Variants in PHLPP1 observed in about 807,000 individuals in gnomAD.
PHLPP1 encodes the protein PH domain leucine-rich repeat-containing protein phosphatase 1.
PHLPP1 carries 42 observed loss-of-function variants against 117.2 expected under a neutral mutation model. The observed-to-expected ratio is 0.36, with a 90% confidence interval of 0.28 to 0.46. PHLPP1 has a LOEUF of 0.46. Among genes scored for constraint, PHLPP1 ranks in the 20% least tolerant of loss-of-function variants. The probability of loss-of-function intolerance (pLI) is 1.00; values close to 1 mark genes in which losing one functional copy is unlikely to be tolerated. For missense variants in PHLPP1, 2,084 were observed against 2,241.9 expected (o/e 0.93, Z 1.42); for synonymous variants, 1,042 against 970.7 (o/e 1.07, Z -1.37).
chr18:62,735,171 A>G (rs1309110454), intron 1 of PHLPP1, among the ~76,000 whole-genome samples: 3 of 151,412 alleles, frequency 2.0e-5, no homozygotes, highest in Non-Finnish European at 4.4e-5. Context: ...CAGCCTCCCT[A>G]GTGGCTGGGA....
At chr18:62,975,678 C>G in intron 16 of PHLPP1, 53 bp downstream of exon 16, 5 of 1,163,470 alleles carry the variant, frequency 4.3e-6, no homozygotes, top group South Asian at 2.6e-5. Flanking sequence ...GAGAGGAGAC[C>G]AGGTCATAGC....
chr18:62,744,938 G>C (rs1415856630), intron 1 of PHLPP1, among the ~76,000 whole-genome samples: 1 of 152,150 alleles, frequency 6.6e-6, no homozygotes, highest in Non-Finnish European at 1.5e-5. Context: ...TTTGGAGTTT[G>C]AATTCCTCCA....
intron 8 of PHLPP1, 28 bp downstream of exon 8, chr18:62,905,312 A>G (rs1427597374): frequency 1.6e-6 from 2 of 1,218,198 alleles, no homozygotes; most frequent in Non-Finnish European, 2.2e-6. Flanking sequence ...AGAGCCCTCT[A>G]GAGTCTACTA....
intron 12 of PHLPP1, among the ~76,000 whole-genome samples, chr18:62,950,913 T>G (rs913792643): frequency 4.6e-5 from 7 of 151,972 alleles, no homozygotes; most frequent in Admixed American, 3.9e-4. Flanking sequence ...AGGAACAGAC[T>G]AGCAGGAAGT....
chr18:62,824,015 C>T (rs957249799), intron 1 of PHLPP1, among the ~76,000 whole-genome samples: 5 of 151,958 alleles, frequency 3.3e-5, no homozygotes, highest in Non-Finnish European at 7.4e-5. Flanking sequence ...GCCTGTAATC[C>T]CAACTACTTG....
Position 62,926,901 on chromosome 18 carries a change from G to A in PHLPP1, c.2960+6787G>A, listed in dbSNP as rs544044743. Among the ~76,000 whole-genome samples the A allele has an allele frequency of 2.6e-5, 4 of 152,288 alleles. No individual in the cohort carries two copies. In the East Asian group the frequency reaches 7.7e-4, roughly 29 times the overall value. On this transcript the variant is annotated intron_variant, in intron 10 of 16. Transcript: ENST00000262719. The stretch of plus-strand genomic sequence containing the variant: ...AATTCCCAGCAATTACACTTTGACT[G>A]TATCCATGCTATACCCTAAGGTTTT...
At position 62,733,051 on chromosome 18, in the gene PHLPP1, T is replaced by C. The variant is rs142070133; in HGVS notation, c.1576+15792T>C. Among the ~76,000 whole-genome samples, 385 of 152,352 alleles carry C rather than the reference T, an allele frequency of 2.5e-3. 1 individual carries two copies. The highest frequency in any genetic ancestry group is 4.1e-3 in the Non-Finnish European group (280 of 68,032). On this transcript the variant is annotated intron_variant, in intron 1 of 16. Coordinates refer to ENST00000262719, the MANE Select transcript of PHLPP1 (RefSeq NM_194449.4). ...TGAAATGACAACAAATAATTTAGAA[T>C]ATTACATAAACTTAGTTGATAAAGG...
At chr18:62,959,882 C>T (rs188845182) in intron 13 of PHLPP1, among the ~76,000 whole-genome samples, 14 of 152,190 alleles carry the variant, frequency 9.2e-5, no homozygotes, top group Admixed American at 6.5e-4. Context: ...AAAACACTGC[C>T]TGAGTGTCCT....
In PHLPP1 at chr18:62,834,882, C is replaced by A. The variant is rs12454675; in HGVS notation, c.1774-3902C>A. ...CCTTTCCTCCCACCCTCTCCCACTC[C>A]TCTCCATCCCTAAGAAACCTTTTGC... On this transcript the variant is annotated intron_variant, in intron 2 of 16. Coordinates refer to ENST00000262719, the MANE Select transcript of PHLPP1 (RefSeq NM_194449.4). Among the ~76,000 whole-genome samples, 1,025 of 152,188 alleles carry A rather than the reference C, an allele frequency of 6.7e-3. 3 individuals are homozygous for A. The highest frequency in any genetic ancestry group is 0.011 in the Non-Finnish European group (748 of 68,020).
chr18:62,732,296 AT>A (rs1364566440), intron 1 of PHLPP1, among the ~76,000 whole-genome samples: 1 of 152,290 alleles, frequency 6.6e-6, no homozygotes, highest in East Asian at 1.9e-4. Context: ...GCGGATGCTC[AT>A]TTACCATTTT....
At chr18:62,827,268 C>T (rs540106877) in intron 1 of PHLPP1, among the ~76,000 whole-genome samples, 3 of 152,184 alleles carry the variant, frequency 2.0e-5, no homozygotes, top group South Asian at 4.2e-4. Flanking sequence ...ATGCCTTAAG[C>T]CTGTAGGGAA....
At chr18:62,811,201 C>T (rs1406954818) in intron 1 of PHLPP1, among the ~76,000 whole-genome samples, 1 of 152,038 alleles carries the variant, frequency 6.6e-6, no homozygotes, top group Admixed American at 6.6e-5. Flanking sequence ...GAGCTGCTGG[C>T]TAGAAAGAAA....
rs1442664948 is a variant in PHLPP1, at chr18:62,895,019, A to C, written c.2075A>C (p.Lys692Thr). The change falls in exon 5 of 17, where the codon AAG becomes ACG. Residue 692 changes from lysine to threonine, a missense_variant. Lys to Thr is a moderately conservative substitution (Grantham distance 78). Transcript: ENST00000262719. Reference protein sequence around the residue: ...RGLNELQRFTKLKSLNLSNNH... With the variant: ...RGLNELQRFTTLKSLNLSNNH... Reference sequence around the variant, plus strand: ...TTGCTTTATTGTAATAGGTTCACCAAGTTGAAGAGTCTTAACCTTTCCAAT... The same window carrying C: ...TTGCTTTATTGTAATAGGTTCACCACGTTGAAGAGTCTTAACCTTTCCAAT... 1.9e-6 allele frequency: 3 copies of C among 1,606,390 alleles called. No individual in the cohort carries two copies. The East Asian group carries it at 6.7e-5, about 36-fold the overall frequency.
At chr18:62,941,688 A>G (rs1412258103) in intron 10 of PHLPP1, 30 bp from the exon 11 acceptor site, 7 of 1,567,854 alleles carry the variant, frequency 4.5e-6, no homozygotes, top group African/African-American at 4.1e-5. Context: ...TGACTTTTCA[A>G]TGGCATTTTG....
At chr18:62,832,462 G>A (rs1914783464) in intron 2 of PHLPP1, 1 of 152,236 alleles carries the variant, frequency 6.6e-6, no homozygotes, top group Non-Finnish European at 1.5e-5. Flanking sequence ...CACATGGAAT[G>A]TTCAGATAAG....
chr18:62,721,148 T>C (rs1424197492), intron 1 of PHLPP1, among the ~76,000 whole-genome samples: 1 of 152,182 alleles, frequency 6.6e-6, no homozygotes, highest in Non-Finnish European at 1.5e-5. Context: ...CAAAGTGGTA[T>C]TTCTTGTGAA....
chr18:62,972,463 C>T, intron 14 of PHLPP1, 51 bp from the exon 15 acceptor site: 1 of 1,533,086 alleles, frequency 6.5e-7, no homozygotes, highest in South Asian at 1.2e-5. Context: ...TGGGCTGGGC[C>T]TGGAGCAGGA....
At chr18:62,974,434 A>G (rs1201073622) in intron 15 of PHLPP1, among the ~76,000 whole-genome samples, 1 of 152,096 alleles carries the variant, frequency 6.6e-6, no homozygotes, top group Non-Finnish European at 1.5e-5. Flanking sequence ...TGCTTACCTT[A>G]CACACGTGAT....
At chr18:62,875,842 C>T (rs181397959) in intron 4 of PHLPP1, among the ~76,000 whole-genome samples, 13 of 152,086 alleles carry the variant, frequency 8.5e-5, no homozygotes, top group Admixed American at 7.9e-4. Flanking sequence ...AAGTGATTCT[C>T]CTGCCTCAGC....
Sources: gnomAD v4.1 joint callset for allele counts (sites outside exome capture counted in the v4.1 genomes callset) on GRCh38, gnomAD v4.1.1 for gene constraint, MANE v1.5 for transcripts, NCBI Gene and HGNC (gene_info 2026-07-23, HGNC 2026-07-21) for gene names.